Variants in UAP1 observed in about 807,000 individuals in gnomAD.
The protein encoded by UAP1 is UDP-N-acetylhexosamine pyrophosphorylase.
In UAP1, 25 loss-of-function variants were observed where a neutral mutation model predicts 58.5. The observed-to-expected ratio is 0.43, with a 90% CI of 0.31 to 0.60. The LOEUF is 0.60. Ranked by LOEUF, UAP1 falls within the 20% of genes least tolerant of loss-of-function variation. The pLI, the probability that UAP1 is intolerant of heterozygous loss-of-function variation, is 0.11. For missense variants in UAP1, 575 were observed against 630.0 expected (o/e 0.91, Z 0.93); for synonymous variants, 208 against 213.0 (o/e 0.98, Z 0.21).
At chr1:162,563,781 G>A (rs190892917) in intron 1 of UAP1, among the ~76,000 whole-genome samples, 1 of 152,320 alleles carries the variant, frequency 6.6e-6, no homozygotes, top group Admixed American at 6.5e-5. Flanking sequence ...TAATATGTTT[G>A]TGTATGCCTT....
intron 8 of UAP1, among the ~76,000 whole-genome samples, chr1:162,591,203 G>A (rs1446727569): frequency 2.0e-5 from 3 of 152,064 alleles, no homozygotes; most frequent in African/African-American, 7.2e-5. Context: ...GGGATTACAG[G>A]TGTGAGCCAC....
At chr1:162,575,693 T>G (rs1164804805) in intron 2 of UAP1, among the ~76,000 whole-genome samples, 1 of 150,566 alleles carries the variant, frequency 6.6e-6, no homozygotes, top group Non-Finnish European at 1.5e-5. Context: ...TGTCTCGTAG[T>G]TTTATGTTTT....
chr1:162,566,150 G>A lies in UAP1; in HGVS notation c.82G>A (p.Ala28Thr), dbSNP rs528269482. 7 of 1,613,826 alleles carry A rather than the reference G, an allele frequency of 4.3e-6. No homozygotes were observed. The South Asian group carries it at 7.7e-5, about 18-fold the overall frequency. ...ACGTTTCTGGAATGAGCTTGAAGAA[G>A]CCCAACAGGTAGAACTTTATGCAGA... The change falls in exon 2 of 11, where the codon GCC becomes ACC. Residue 28 changes from alanine to threonine, a missense_variant. Coordinates refer to ENST00000271469, the Ensembl canonical transcript of UAP1.
intron 3 of UAP1, 61 bp downstream of exon 3, chr1:162,577,042 T>C: frequency 6.7e-7 from 1 of 1,498,098 alleles, no homozygotes; most frequent in Non-Finnish European, 9.2e-7. Flanking sequence ...ATATTCAAAA[T>C]GCATATATAC....
chr1:162,579,015 G>A (rs1164829993), intron 3 of UAP1, among the ~76,000 whole-genome samples: 1 of 152,112 alleles, frequency 6.6e-6, no homozygotes, highest in Non-Finnish European at 1.5e-5. Context: ...GCAGAGCCCA[G>A]ACTGCATTTC....
At chr1:162,583,288 G>T (rs556237329) in intron 5 of UAP1, among the ~76,000 whole-genome samples, 14 of 151,362 alleles carry the variant, frequency 9.2e-5, no homozygotes, top group Middle Eastern at 3.4e-3. Flanking sequence ...GAGTAGCTGG[G>T]ATTATAGGCA....
At chr1:162,589,535 A>G (rs1655171915) in intron 7 of UAP1, among the ~76,000 whole-genome samples, 1 of 151,576 alleles carries the variant, frequency 6.6e-6, no homozygotes, top group East Asian at 1.9e-4. Context: ...CTCGTTTTGT[A>G]TTTAGGATAT....
At chr1:162,580,329 C>G (rs1317741852) in intron 4 of UAP1, among the ~76,000 whole-genome samples, 3 of 152,132 alleles carry the variant, frequency 2.0e-5, no homozygotes, top group Non-Finnish European at 4.4e-5. Context: ...GCATTAAATT[C>G]TAAACATTAT....
intron 2 of UAP1, among the ~76,000 whole-genome samples, chr1:162,571,603 A>G (rs1182475175): frequency 6.6e-6 from 1 of 152,192 alleles, no homozygotes; most frequent in Non-Finnish European, 1.5e-5. Flanking sequence ...ATAATTTCCT[A>G]ATTGTCACAT....
intron 4 of UAP1, 30 bp from the exon 5 acceptor site, chr1:162,581,257 A>G: frequency 6.3e-7 from 1 of 1,576,512 alleles, no homozygotes; most frequent in Non-Finnish European, 8.6e-7. Context: ...GGATTTTGAT[A>G]TGCTACTAAT....
intron 6 of UAP1, chr1:162,587,888 A>G: frequency 2.3e-6 from 1 of 444,340 alleles, no homozygotes; most frequent in Non-Finnish European, 4.0e-6. Context: ...CATTAATGGG[A>G]GGCCAAAGCA....
chr1:162,577,494 G>A (rs1654275557), intron 3 of UAP1, among the ~76,000 whole-genome samples: 1 of 137,740 alleles, frequency 7.3e-6, no homozygotes, highest in Admixed American at 7.7e-5. Flanking sequence ...GGTCACCCAG[G>A]CTGGAGTGCA....
In UAP1 at chr1:162,590,570, TTCTC is replaced by T. The variant is rs113405147; in HGVS notation, c.1358+77_1358+80del. 4.6e-3 allele frequency: 5,815 copies of T among 1,267,730 alleles called. 24 individuals are homozygous for T. In the East Asian group the frequency reaches 0.056, roughly 12 times the overall value. The allele number at this position is 1,267,730 out of a possible 1,614,324, so 78.5% of individuals were successfully genotyped here. ...CTTTCTTGGACTTTTCCTCTTGGAC[TTCTC>T]TCTCTCTCTCTCTCTCTGTATTCCT... is the stretch of plus-strand genomic sequence containing the variant. On this transcript the variant is annotated intron_variant, in intron 8 of 10. Transcript: ENST00000271469.
intron 8 of UAP1, among the ~76,000 whole-genome samples, chr1:162,591,638 A>T (rs1323354477): frequency 6.6e-6 from 1 of 152,110 alleles, no homozygotes; most frequent in Admixed American, 6.5e-5. Flanking sequence ...CTCGCCTGCC[A>T]TAAAGCCCAG....
At chr1:162,571,652 G>A (rs557311251) in intron 2 of UAP1, among the ~76,000 whole-genome samples, 1 of 152,216 alleles carries the variant, frequency 6.6e-6, no homozygotes, top group African/African-American at 2.4e-5. Context: ...CATTTTTCAG[G>A]TAGGTGCTGT....
At chr1:162,597,369 A>G (rs1010812335) in intron 9 of UAP1, 10 of 156,142 alleles carry the variant, frequency 6.4e-5, no homozygotes, top group Non-Finnish European at 1.1e-4. Context: ...ATGTTTGTCA[A>G]CATTAATAGT....
chr1:162,597,254 CT>C (rs1343195451), intron 9 of UAP1: 1 of 152,130 alleles, frequency 6.6e-6, no homozygotes, highest in Non-Finnish European at 1.5e-5. Flanking sequence ...ATTATTATGA[CT>C]GAGAAACTGA....
rs112049939 is a variant in UAP1 at position 162,583,500 on chromosome 1, C to T, written c.834+2041C>T. Reference sequence around the variant, plus strand: ...ATAGAAACTTAAAATTGTACTGTTACGAGCTTCAGAACCAATTTAAACTTT... The same window carrying T: ...ATAGAAACTTAAAATTGTACTGTTATGAGCTTCAGAACCAATTTAAACTTT... On this transcript the variant is annotated intron_variant, in intron 5 of 10. Transcript: ENST00000271469. 1.4e-4 allele frequency among the ~76,000 whole-genome samples: 22 copies of T among 151,962 alleles called. No homozygotes were observed. The East Asian group carries it at 2.7e-3, about 19-fold the overall frequency.
chr1:162,572,390 A>G (rs1653917540), intron 2 of UAP1, among the ~76,000 whole-genome samples: 1 of 152,254 alleles, frequency 6.6e-6, no homozygotes, highest in East Asian at 1.9e-4. Context: ...GGTTAGACCT[A>G]TAGAAAGCAC....
Sources: gnomAD v4.1 joint callset for allele counts (sites outside exome capture counted in the v4.1 genomes callset) on GRCh38, gnomAD v4.1.1 for gene constraint, MANE v1.5 for transcripts, NCBI Gene and HGNC (gene_info 2026-07-23, HGNC 2026-07-21) for gene names.